Variants in SMAD2 observed in about 807,000 individuals in gnomAD.
SMAD2 encodes the protein MAD homolog 2.
A neutral mutation model predicts 64.4 loss-of-function variants in SMAD2; 8 were observed. The observed-to-expected ratio is 0.12, with a 90% CI of 0.07 to 0.22. SMAD2 has a LOEUF of 0.22. SMAD2 is among the 10% of genes least tolerant of loss of function. The pLI is 1.00. For synonymous variants in SMAD2, 203 were observed against 195.8 expected (o/e 1.04, Z -0.31); for missense variants, 289 against 561.2 (o/e 0.51, Z 4.90).
At chr18:47,875,958 T>C (rs1029961453) in intron 2 of SMAD2, among the ~76,000 whole-genome samples, 1 of 152,072 alleles carries the variant, frequency 6.6e-6, no homozygotes, top group African/African-American at 2.4e-5. Flanking sequence ...TGCACTTAAG[T>C]ATGTTTCTAT....
intron 1 of SMAD2, among the ~76,000 whole-genome samples, chr18:47,909,760 T>A (rs1250681809): frequency 6.6e-6 from 1 of 152,212 alleles, no homozygotes; most frequent in Non-Finnish European, 1.5e-5. Context: ...TGAAGTCAAG[T>A]ACCCTGCCAG....
rs976919188 is a variant in SMAD2, at chr18:47,830,687, G to C, written c.*11140C>G. On this transcript the variant is annotated 3_prime_UTR_variant, in exon 11 of 11. Transcript: ENST00000262160. ...AAAATCTTATTTACATGGTACTTAT[G>C]TAGTTTGATCAAATACTGCCACAAT... The C allele has an allele frequency of 1.3e-5, 2 of 152,228 alleles. No homozygotes were observed. The highest frequency in any genetic ancestry group is 4.8e-5 in the African/African-American group (2 of 41,300). 9.4% of individuals were successfully genotyped at this position (152,228 alleles called of 1,614,324 possible). A position where few individuals can be genotyped will look rare whatever the true frequency, so the allele number is the denominator to read the frequency against.
intron 2 of SMAD2, among the ~76,000 whole-genome samples, chr18:47,892,654 T>C (rs1229124360): frequency 8.8e-6 from 1 of 113,202 alleles, no homozygotes; most frequent in Non-Finnish European, 2.0e-5. Context: ...GTGTTCTTTA[T>C]TAAAGAAACT....
rs962307315 is a variant in SMAD2, at chr18:47,824,774, T to G, written c.*17053A>C. 1 of 152,228 alleles carries G rather than the reference T, an allele frequency of 6.6e-6. No individual in the cohort carries two copies. Among genetic ancestry groups the G allele is most frequent in the African/African-American group, 2.4e-5 (1 of 41,458 alleles). 9.4% of individuals were successfully genotyped at this position (152,228 alleles called of 1,614,324 possible). ...AAAAGTATGTCGAACATTTTTAATT[T>G]CAAACACCAAACTTAAATAGACTAA... On this transcript the variant is annotated 3_prime_UTR_variant, in exon 11 of 11. Coordinates refer to ENST00000262160, the MANE Select transcript of SMAD2 (RefSeq NM_005901.6).
In SMAD2 at chr18:47,828,962, A is replaced by AT. The variant is rs34899349; in HGVS notation, c.*12864_*12865insA. The AT allele has an allele frequency of 1.4e-5, 2 of 143,652 alleles. No homozygotes were observed. The highest frequency in any genetic ancestry group is 5.2e-5 in the African/African-American group (2 of 38,278). The allele number at this position is 143,652 out of a possible 1,614,324, so 8.9% of individuals were successfully genotyped here. A position where few individuals can be genotyped will look rare whatever the true frequency, so the allele number is the denominator to read the frequency against. ...AAAAAAAAAAAAAAAAAAAAAAAAA[A>AT]GACTTTAGTTCAAGTTGAGACCAAA... On this transcript the variant is annotated 3_prime_UTR_variant, in exon 11 of 11. Transcript: ENST00000262160.
rs1290317731 is a variant in SMAD2 at position 47,814,375 on chromosome 18, T to A, written c.*27452A>T. On this transcript the variant is annotated 3_prime_UTR_variant, in exon 11 of 11. Coordinates refer to ENST00000262160, the MANE Select transcript of SMAD2 (RefSeq NM_005901.6). The stretch of plus-strand genomic sequence containing the variant: ...CTTCAAAGTCAGACTTTACTGAGAA[T>A]GAGAAGGGAGTTCTACATGCTAAGA... 6.6e-6 allele frequency: 1 copy of A among 152,162 alleles called. No homozygotes were observed. Among genetic ancestry groups the A allele is most frequent in the Non-Finnish European group, 1.5e-5 (1 of 68,024 alleles). The allele number at this position is 152,162 out of a possible 1,614,324, so 9.4% of individuals were successfully genotyped here.
chr18:47,923,339 G>T (rs1043793170), intron 1 of SMAD2, among the ~76,000 whole-genome samples: 6 of 152,218 alleles, frequency 3.9e-5, no homozygotes, highest in Non-Finnish European at 7.4e-5. Context: ...ACGTGAGTGG[G>T]GTCCTCAGGC....
chr18:47,883,309 G>A (rs182051511), intron 2 of SMAD2, among the ~76,000 whole-genome samples: 2 of 152,132 alleles, frequency 1.3e-5, no homozygotes, highest in Non-Finnish European at 2.9e-5. Context: ...ATTCTTAACA[G>A]ATGTCTTATT....
At position 47,869,290 on chromosome 18, in the gene SMAD2, T is replaced by G; in HGVS notation, c.473A>C (p.Asp158Ala). Residue 158 changes from aspartate to alanine, a missense_variant, in exon 4 of 11, where the codon GAT (aspartate) becomes GCT (alanine). Asp to Ala is a moderately radical substitution (Grantham distance 126). Transcript: ENST00000262160. ...GTGGTAAGGGTTTACACATACTTCATCCTTTTTAAGATTAAAAGCATATTC... is the reference window on the plus strand; with the variant it reads ...GTGGTAAGGGTTTACACATACTTCAGCCTTTTTAAGATTAAAAGCATATTC... ...NCEYAFNLKKDEVCVNPYHYQ... is the reference protein window; with the variant it reads ...NCEYAFNLKKAEVCVNPYHYQ... The G allele has an allele frequency of 6.2e-7, 1 of 1,613,778 alleles. No homozygotes were observed.
chr18:47,911,620 T>C (rs573796876), intron 1 of SMAD2, among the ~76,000 whole-genome samples: 99 of 152,322 alleles, frequency 6.5e-4, no homozygotes, highest in African/African-American at 2.1e-3. Context: ...CACTAAAAAT[T>C]TGAAAGGAGT....
chr18:47,863,256 G>A (rs1267440219), intron 6 of SMAD2, among the ~76,000 whole-genome samples: 4 of 152,150 alleles, frequency 2.6e-5, no homozygotes, highest in Non-Finnish European at 1.5e-5. Context: ...GTAAGAGGCT[G>A]GCAGCCAAAC....
chr18:47,877,476 T>G (rs114866931), intron 2 of SMAD2, among the ~76,000 whole-genome samples: 2,309 of 152,282 alleles, frequency 0.015, 59 homozygotes, highest in African/African-American at 0.053. Flanking sequence ...AATAATTTTT[T>G]TAAGTCTCCA....
chr18:47,903,163 AG>A (rs760199178), intron 1 of SMAD2, among the ~76,000 whole-genome samples: 2 of 152,272 alleles, frequency 1.3e-5, no homozygotes, highest in East Asian at 3.9e-4. Flanking sequence ...AAGAGAGTCT[AG>A]ACATTGAGCT....
chr18:47,862,355 T>G (rs1321113719), intron 6 of SMAD2, among the ~76,000 whole-genome samples: 2 of 152,180 alleles, frequency 1.3e-5, no homozygotes, highest in African/African-American at 2.4e-5. Flanking sequence ...TTTCAGAGCT[T>G]TGAAGGACCT....
rs978520410 is a variant in SMAD2 at position 47,817,701 on chromosome 18, T to G, written c.*24126A>C. On this transcript the variant is annotated 3_prime_UTR_variant, in exon 11 of 11. Transcript: ENST00000262160. The stretch of plus-strand genomic sequence containing the variant: ...ATCTGCATGACTGGGTTAACACTTT[T>G]GGGAACACTGATTTTGGTTTCGTTT... The G allele has an allele frequency of 6.6e-6, 1 of 152,226 alleles. No individual in the cohort carries two copies. Among genetic ancestry groups the G allele is most frequent in the African/African-American group, 2.4e-5 (1 of 41,458 alleles). 9.4% of individuals were successfully genotyped at this position (152,226 alleles called of 1,614,324 possible).
At chr18:47,890,411 G>A (rs1598844725) in intron 2 of SMAD2, among the ~76,000 whole-genome samples, 1 of 152,130 alleles carries the variant, frequency 6.6e-6, no homozygotes, top group East Asian at 1.9e-4. Flanking sequence ...TCTAAGCAGA[G>A]ACAATACATT....
rs116602641 is a variant in SMAD2, at chr18:47,904,478, G to A, written c.-53-7669C>T. On this transcript the variant is annotated intron_variant, in intron 1 of 10. Transcript: ENST00000262160. ...CTGCCACGGGAAGGGAGGAAACATT[G>A]CTACCACCAGTCCCAGACAAAGGCA... Among the ~76,000 whole-genome samples the A allele has an allele frequency of 9.4e-3, 1,426 of 151,978 alleles. 22 individuals are homozygous for A. The highest frequency in any genetic ancestry group is 0.032 in the African/African-American group (1,341 of 41,416).
chr18:47,905,816 G>A (rs1363409290), intron 1 of SMAD2, among the ~76,000 whole-genome samples: 1 of 152,010 alleles, frequency 6.6e-6, no homozygotes, highest in Non-Finnish European at 1.5e-5. Flanking sequence ...TTAACCACAA[G>A]AGAAATACAG....
intron 1 of SMAD2, among the ~76,000 whole-genome samples, chr18:47,926,026 C>T (rs1412166359): frequency 6.6e-6 from 1 of 152,172 alleles, no homozygotes; most frequent in Admixed American, 6.5e-5. Flanking sequence ...TATGATACTC[C>T]TGCAGACTGA....
Sources: gnomAD v4.1 joint callset for allele counts (sites outside exome capture counted in the v4.1 genomes callset) on GRCh38, gnomAD v4.1.1 for gene constraint, MANE v1.5 for transcripts, NCBI Gene and HGNC (gene_info 2026-07-23, HGNC 2026-07-21) for gene names.